TENM3: variants seen among roughly 807,000 people sequenced by gnomAD.
The protein encoded by TENM3 is teneurin-3.
Under a neutral mutation model 255.1 loss-of-function variants are expected in TENM3, and 63 were observed. The observed-to-expected ratio is 0.25, with a 90% confidence interval of 0.20 to 0.30. The LOEUF (loss-of-function observed/expected upper bound fraction) is 0.30, where lower values mean the gene tolerates loss of function less well. Among genes scored for constraint, TENM3 ranks in the 10% least tolerant of loss-of-function variants. The pLI is 1.00. For synonymous variants in TENM3, 1,306 were observed against 1,322.3 expected (o/e 0.99, Z 0.27); for missense variants, 2,929 against 3,461.1 (o/e 0.85, Z 3.86).
At chr4:181,916,753 C>T in the TENM3 span, among the ~76,000 whole-genome samples, 19 of 151,778 alleles carry the variant, frequency 1.3e-4, no homozygotes, top group African/African-American at 3.4e-4. Context: ...GGCGCGTGCT[C>T]GTAATCCCAG....
intron 19 of TENM3, 24 bp from the exon 20 acceptor site, chr4:182,751,776 G>GT: frequency 6.4e-7 from 1 of 1,567,854 alleles, no homozygotes. Flanking sequence ...TCCCTTTGAT[G>GT]TTTATCTATG....
At chr4:181,703,645 T>C in the TENM3 span, among the ~76,000 whole-genome samples, 2 of 152,156 alleles carry the variant, frequency 1.3e-5, no homozygotes, top group Non-Finnish European at 2.9e-5. Context: ...GGCTGTTTCC[T>C]CCTTATAACA....
chr4:181,570,576 AG>A, the TENM3 span, among the ~76,000 whole-genome samples: 1 of 142,910 alleles, frequency 7.0e-6, no homozygotes, highest in Non-Finnish European at 1.5e-5. Flanking sequence ...AGAAAGGAAA[AG>A]AGAGAAAAAG....
rs962665325 is a variant in TENM3, at chr4:182,783,709, C to T, written c.5305-5384C>T. Among the ~76,000 whole-genome samples the T allele has an allele frequency of 1.1e-3, 166 of 144,472 alleles. 1 individual carries two copies. Among genetic ancestry groups the T allele is most frequent in the African/African-American group, 4.3e-3 (146 of 34,246 alleles). 94.8% of individuals were successfully genotyped at this position (144,472 alleles called of 152,430 possible). On this transcript the variant is annotated intron_variant, in intron 24 of 27. Coordinates refer to ENST00000511685, the MANE Select transcript of TENM3 (RefSeq NM_001080477.4). Reference sequence around the variant, plus strand: ...CAGGTACACCAATCAGACGTAGATACGGTCTTTTCACATAGTCCCATGTTT... The same window carrying T: ...CAGGTACACCAATCAGACGTAGATATGGTCTTTTCACATAGTCCCATGTTT...
At chr4:182,384,246 G>A (rs959922370) in intron 3 of TENM3, among the ~76,000 whole-genome samples, 1 of 151,452 alleles carries the variant, frequency 6.6e-6, no homozygotes, top group African/African-American at 2.4e-5. Context: ...TAAAGCAAAG[G>A]AGTTCATGTG....
intron 16 of TENM3, among the ~76,000 whole-genome samples, chr4:182,734,407 A>G (rs1388838706): frequency 1.3e-5 from 2 of 152,224 alleles, no homozygotes; most frequent in Non-Finnish European, 2.9e-5. Flanking sequence ...GAGTTTTTTC[A>G]GCATTTCTCT....
intron 1 of TENM3, among the ~76,000 whole-genome samples, chr4:182,228,088 G>A (rs1756296952): frequency 6.6e-6 from 1 of 152,054 alleles, no homozygotes; most frequent in Non-Finnish European, 1.5e-5. Flanking sequence ...GCAGGAGGAG[G>A]AAATGGAGAG....
At chr4:182,382,185 A>C (rs769047088) in intron 3 of TENM3, among the ~76,000 whole-genome samples, 1 of 152,196 alleles carries the variant, frequency 6.6e-6, no homozygotes, top group Non-Finnish European at 1.5e-5. Flanking sequence ...GTAGATATAT[A>C]ATGAAATCTG....
the TENM3 span, among the ~76,000 whole-genome samples, chr4:181,610,126 C>T: frequency 9.2e-5 from 14 of 152,274 alleles, no homozygotes; most frequent in Non-Finnish European, 1.0e-4. Flanking sequence ...ACCTCTATTT[C>T]GCTGAAAAAT....
intron 13 of TENM3, among the ~76,000 whole-genome samples, chr4:182,727,205 C>G (rs1760269846): frequency 6.6e-6 from 1 of 152,008 alleles, no homozygotes; most frequent in South Asian, 2.1e-4. Context: ...CCTATAATCC[C>G]AGCACTTTGA....
At chr4:182,526,348 CT>C (rs769145227) in intron 3 of TENM3, among the ~76,000 whole-genome samples, 1 of 152,068 alleles carries the variant, frequency 6.6e-6, no homozygotes, top group Non-Finnish European at 1.5e-5. Context: ...TGCACCGCCC[CT>C]CTCACTGTCC....
At chr4:181,722,140 G>A in the TENM3 span, among the ~76,000 whole-genome samples, 1 of 152,236 alleles carries the variant, frequency 6.6e-6, no homozygotes, top group Non-Finnish European at 1.5e-5. Flanking sequence ...TCAGGCTAGT[G>A]TGAAGAGATT....
At chr4:182,029,997 C>G in the TENM3 span, among the ~76,000 whole-genome samples, 6 of 116,936 alleles carry the variant, frequency 5.1e-5, no homozygotes, top group Non-Finnish European at 9.8e-5. Context: ...ATGCATCTCT[C>G]TCCTTTTTTT....
At chr4:182,466,048 G>A (rs1732554815) in intron 3 of TENM3, among the ~76,000 whole-genome samples, 1 of 152,034 alleles carries the variant, frequency 6.6e-6, no homozygotes, top group African/African-American at 2.4e-5. Context: ...TTAGGCTGAT[G>A]GATTAGTTTA....
chr4:181,948,478 C>T, the TENM3 span, among the ~76,000 whole-genome samples: 6 of 152,132 alleles, frequency 3.9e-5, no homozygotes, highest in South Asian at 6.2e-4. Context: ...TTCAGTGGTG[C>T]GATCTCACCT....
At chr4:182,012,598 C>G in the TENM3 span, 7 of 152,096 alleles carry the variant, frequency 4.6e-5, no homozygotes, top group Non-Finnish European at 8.8e-5. Context: ...TGGACCATAC[C>G]CTGCAACATG....
the TENM3 span, among the ~76,000 whole-genome samples, chr4:181,534,475 C>A: frequency 1.8e-4 from 27 of 151,880 alleles, no homozygotes; most frequent in Admixed American, 3.3e-4. Context: ...TTCCCCCCCC[C>A]CACAGAAAAA....
chr4:182,740,424 A>G (rs1761515499), intron 18 of TENM3, among the ~76,000 whole-genome samples: 1 of 152,382 alleles, frequency 6.6e-6, no homozygotes, highest in Non-Finnish European at 1.5e-5. Context: ...GCGAAGCCAT[A>G]TGGCAAACAT....
chr4:181,460,674 A>C, the TENM3 span, among the ~76,000 whole-genome samples: 1 of 73,872 alleles, frequency 1.4e-5, no homozygotes, highest in Non-Finnish European at 2.6e-5. Context: ...TACTAGCTAT[A>C]GTTCTTTTTT....
Sources: gnomAD v4.1 joint callset for allele counts (sites outside exome capture counted in the v4.1 genomes callset) on GRCh38, gnomAD v4.1.1 for gene constraint, MANE v1.5 for transcripts, NCBI Gene and HGNC (gene_info 2026-07-23, HGNC 2026-07-21) for gene names.